HINT3: variants seen among roughly 807,000 people sequenced by gnomAD.
HINT3 encodes adenosine 5'-monophosphoramidase HINT3.
In HINT3, 16 loss-of-function variants were observed where a neutral mutation model predicts 19.1. The ratio of observed to expected loss-of-function variants is 0.84; its 90% CI spans 0.57 to 1.27. The LOEUF (loss-of-function observed/expected upper bound fraction) is 1.27. Ranked by LOEUF, HINT3 falls within the 50% of genes most tolerant of loss-of-function variation. The probability of loss-of-function intolerance (pLI) is 0.00; values close to 1 mark genes in which losing one functional copy is unlikely to be tolerated. For missense variants in HINT3, 197 were observed against 225.8 expected, an observed-to-expected ratio of 0.87 and a Z score of 0.82; for synonymous variants, 75 against 84.8, an observed-to-expected ratio of 0.88 and a Z score of 0.63.
At chr6:125,974,496 T>A (rs1387604959) in intron 3 of HINT3, among the ~76,000 whole-genome samples, 1 of 152,236 alleles carries the variant, frequency 6.6e-6, no homozygotes, top group African/African-American at 2.4e-5. Context: ...GTGATGTTTT[T>A]AAAAATTCAT....
intron 1 of HINT3, among the ~76,000 whole-genome samples, chr6:125,960,660 G>GCGGGGC (rs1406155954): frequency 6.9e-6 from 1 of 145,464 alleles, no homozygotes; most frequent in East Asian, 2.2e-4. Context: ...CTCTCTGGGG[G>GCGGGGC]GGGGGAAAAA....
At chr6:125,967,839 C>T (rs1057126281) in intron 2 of HINT3, among the ~76,000 whole-genome samples, 15 of 152,174 alleles carry the variant, frequency 9.9e-5, no homozygotes, top group Non-Finnish European at 2.2e-4. Flanking sequence ...CTTCTAGCTT[C>T]TGAAAAGGAG....
At chr6:125,975,581 G>GTTTTTTTTT (rs149094456) in intron 4 of HINT3, among the ~76,000 whole-genome samples, 3 of 143,616 alleles carry the variant, frequency 2.1e-5, no homozygotes, top group Non-Finnish European at 3.0e-5. Flanking sequence ...TGGCTGAAGA[G>GTTTTTTTTT]TTGTTTTTTT....
At chr6:125,972,219 G>T in intron 2 of HINT3, 40 bp from the exon 3 acceptor site, 1 of 1,315,116 alleles carries the variant, frequency 7.6e-7, no homozygotes, top group Non-Finnish European at 1.1e-6. Flanking sequence ...TGACCTTAAT[G>T]TCTCCTCTAG....
In HINT3 at chr6:125,957,013, G is replaced by T. The variant is rs1788843685; in HGVS notation, c.36G>T (p.Leu12=). ...AACAGGTGAACCGCAGCGCCGGCCT[G>T]GCCCCCGACTGTGAGGCCTCGGCGA... ...AEEQVNRSAG[L]APDCEASATA... is the part of the protein sequence containing the mutation. The change falls in exon 1 of 5, where the codon CTG becomes CTT. Residue 12 remains leucine (L), a synonymous_variant. Coordinates refer to ENST00000229633, the MANE Select transcript of HINT3 (RefSeq NM_138571.5). 6.4e-7 allele frequency: 1 copy of T among 1,550,486 alleles called. No homozygotes were observed. The highest frequency in any genetic ancestry group is 2.0e-5 in the Admixed American group (1 of 50,990).
At position 125,957,017 on chromosome 6, in the gene HINT3, C is replaced by T; in HGVS notation, c.40C>T (p.Pro14Ser). 1.3e-6 allele frequency: 2 copies of T among 1,550,652 alleles called. No individual in the cohort carries two copies. Among genetic ancestry groups the T allele is most frequent in the Non-Finnish European group, 1.7e-6 (2 of 1,146,864 alleles). The part of the protein sequence containing the change: ...EQVNRSAGLA[P>S]DCEASATAET... Reference sequence around the variant, plus strand: ...GGTGAACCGCAGCGCCGGCCTGGCCCCCGACTGTGAGGCCTCGGCGACTGC... The same window carrying T: ...GGTGAACCGCAGCGCCGGCCTGGCCTCCGACTGTGAGGCCTCGGCGACTGC... The change falls in exon 1 of 5, where the codon CCC (proline) becomes TCC (serine). Residue 14 changes from proline to serine, a missense_variant. By Grantham distance (74) the Pro-to-Ser change is moderately conservative. Transcript: ENST00000229633.
intron 2 of HINT3, 147 bp downstream of exon 2, chr6:125,967,151 A>T: frequency 1.9e-6 from 1 of 533,580 alleles, no homozygotes. Flanking sequence ...AAGAATTTTA[A>T]ATTCATTAAA....
At chr6:125,974,412 A>T (rs1278591880) in intron 3 of HINT3, among the ~76,000 whole-genome samples, 1 of 152,220 alleles carries the variant, frequency 6.6e-6, no homozygotes, top group African/African-American at 2.4e-5. Flanking sequence ...ATGTCTGAGT[A>T]CTTTATTAAA....
At position 125,962,666 on chromosome 6, in the gene HINT3, C is replaced by T. The variant is rs574093906; in HGVS notation, c.202-4221C>T. ...CATCATGAGGGGTTAGTCTGGCAAACCTTTCCAGCAAAAGCTGTAGAAGAT... is the reference window on the plus strand; with the variant it reads ...CATCATGAGGGGTTAGTCTGGCAAATCTTTCCAGCAAAAGCTGTAGAAGAT... On this transcript the variant is annotated intron_variant, in intron 1 of 4. Coordinates refer to ENST00000229633, the MANE Select transcript of HINT3 (RefSeq NM_138571.5). Among the ~76,000 whole-genome samples, 8 of 152,244 alleles carry T rather than the reference C, an allele frequency of 5.3e-5. No homozygotes were observed. The South Asian group carries it at 1.7e-3, about 32-fold the overall frequency.
intron 1 of HINT3, among the ~76,000 whole-genome samples, chr6:125,963,092 C>T (rs1445857402): frequency 6.6e-6 from 1 of 152,094 alleles, no homozygotes; most frequent in Non-Finnish European, 1.5e-5. Flanking sequence ...CCGATCTCGG[C>T]GCACCAAATT....
At chr6:125,966,034 T>G (rs1489007073) in intron 1 of HINT3, among the ~76,000 whole-genome samples, 1 of 152,216 alleles carries the variant, frequency 6.6e-6, no homozygotes, top group Admixed American at 6.5e-5. Context: ...GGATTTTTTC[T>G]AAGGGAAACT....
At chr6:125,973,549 G>A (rs1202164213) in intron 3 of HINT3, among the ~76,000 whole-genome samples, 1 of 152,154 alleles carries the variant, frequency 6.6e-6, no homozygotes, top group East Asian at 1.9e-4. Flanking sequence ...TGTACTCTAC[G>A]TACACTGTCT....
chr6:125,957,983 C>G (rs904206059), intron 1 of HINT3, among the ~76,000 whole-genome samples: 3 of 151,976 alleles, frequency 2.0e-5, no homozygotes, highest in African/African-American at 7.3e-5. Flanking sequence ...GTCTGTGTCC[C>G]GATTTTACAA....
Position 125,966,943 on chromosome 6 carries a change from TGTG to T in HINT3, c.262_264del (p.Val88del). ...AACCAGCAGCAACTCATCATTATCT[TGTG>T]GTGCCAAAGAAGCATATTGGAAACT... On this transcript the variant is annotated inframe_deletion, in exon 2 of 5. Transcript: ENST00000229633. The T allele has an allele frequency of 6.2e-7, 1 of 1,613,318 alleles. No homozygotes were observed. The highest frequency in any genetic ancestry group is 8.5e-7 in the Non-Finnish European group (1 of 1,179,664).
At chr6:125,964,162 A>G (rs1273597707) in intron 1 of HINT3, among the ~76,000 whole-genome samples, 1 of 152,226 alleles carries the variant, frequency 6.6e-6, no homozygotes, top group Admixed American at 6.5e-5. Flanking sequence ...GATAGGCAAA[A>G]TACTGTATCT....
intron 1 of HINT3, among the ~76,000 whole-genome samples, chr6:125,962,085 A>C (rs1788933443): frequency 6.7e-6 from 1 of 150,076 alleles, no homozygotes; most frequent in Non-Finnish European, 1.5e-5. Context: ...ATGCCTCGAC[A>C]TGGTAACAAA....
At chr6:125,957,700 C>T (rs1370332494) in intron 1 of HINT3, among the ~76,000 whole-genome samples, 1 of 152,132 alleles carries the variant, frequency 6.6e-6, no homozygotes, top group African/African-American at 2.4e-5. Context: ...GGTCTGAGGT[C>T]AAACTATTAT....
At chr6:125,957,526 T>C (rs1376794352) in intron 1 of HINT3, among the ~76,000 whole-genome samples, 1 of 152,244 alleles carries the variant, frequency 6.6e-6, no homozygotes, top group African/African-American at 2.4e-5. Flanking sequence ...TAACATTTTG[T>C]GGCCTCTGCT....
chr6:125,969,794 G>A (rs1260438960), intron 2 of HINT3, among the ~76,000 whole-genome samples: 2 of 152,114 alleles, frequency 1.3e-5, no homozygotes, highest in African/African-American at 4.8e-5. Flanking sequence ...CAGTTTGAGT[G>A]TTGTGTTTGG....
Sources: gnomAD v4.1 joint callset for allele counts (sites outside exome capture counted in the v4.1 genomes callset) on GRCh38, gnomAD v4.1.1 for gene constraint, MANE v1.5 for transcripts, NCBI Gene and HGNC (gene_info 2026-07-23, HGNC 2026-07-21) for gene names.